The following ZNF804B variants were observed in gnomAD, a reference collection of about 807,000 sequenced individuals.
The protein encoded by ZNF804B is zinc finger protein 804B.
A neutral mutation model predicts 101.4 loss-of-function variants in ZNF804B; 80 were observed. The ratio of observed to expected loss-of-function variants is 0.79; its 90% CI spans 0.66 to 0.95. The LOEUF (loss-of-function observed/expected upper bound fraction) is 0.95. Ranked by LOEUF, ZNF804B falls within the 40% of genes least tolerant of loss-of-function variation. ZNF804B has a pLI of 0.00. For missense variants in ZNF804B, 1,673 were observed against 1,561.9 expected (o/e 1.07, Z -1.20); for synonymous variants, 622 against 558.8 (o/e 1.11, Z -1.59).
At chr7:89,167,067 A>C (rs1423966476) in intron 1 of ZNF804B, among the ~76,000 whole-genome samples, 1 of 152,092 alleles carries the variant, frequency 6.6e-6, no homozygotes, top group East Asian at 1.9e-4. Flanking sequence ...TTTTTAATGC[A>C]TTTATGACAT....
chr7:89,333,297 T>C (rs1791014576), intron 3 of ZNF804B, 66 bp from the exon 4 acceptor site: 1 of 1,354,444 alleles, frequency 7.4e-7, no homozygotes, highest in Admixed American at 2.8e-5. Context: ...CACTATGAAA[T>C]GTTCATATGT....
intron 1 of ZNF804B, among the ~76,000 whole-genome samples, chr7:88,974,252 G>A (rs1320108037): frequency 6.7e-6 from 1 of 148,230 alleles, no homozygotes; most frequent in East Asian, 2.1e-4. Context: ...ACATATATAT[G>A]AAAATATATC....
chr7:88,759,991 G>C lies in ZNF804B; in HGVS notation c.15G>C (p.Leu5=). Residue 5 remains leucine, a synonymous_variant, in exon 1 of 4, where the codon CTG becomes CTC. Transcript: ENST00000333190. MACY[L]VISSRHLSNG... The stretch of plus-strand genomic sequence containing the variant: ...CCCGGACCCACATGGCTTGTTACCT[G>C]GTCATCAGTTCGAGACATCTCAGCA... The C allele has an allele frequency of 6.2e-7, 1 of 1,614,170 alleles. No individual in the cohort carries two copies. The highest frequency in any genetic ancestry group is 8.5e-7 in the Non-Finnish European group (1 of 1,180,016).
Position 89,334,483 on chromosome 7 carries a change from T to C in ZNF804B, c.1501T>C (p.Leu501=), listed in dbSNP as rs1465393039. Residue 501 remains leucine, a synonymous_variant, in exon 4 of 4, where the codon TTG becomes CTG. Coordinates refer to ENST00000333190, the MANE Select transcript of ZNF804B (RefSeq NM_181646.5). The part of the protein sequence containing the change: ...DHNLEDLKTE[L]GKKPLELKTK... ...CAATCTAGAGGACTTAAAAACAGAATTGGGTAAGAAGCCCTTGGAATTGAA... is the reference window on the plus strand; with the variant it reads ...CAATCTAGAGGACTTAAAAACAGAACTGGGTAAGAAGCCCTTGGAATTGAA... 1.2e-6 allele frequency: 2 copies of C among 1,613,730 alleles called. No homozygotes were observed. Among genetic ancestry groups the C allele is most frequent in the East Asian group, 2.2e-5 (1 of 44,848 alleles).
intron 1 of ZNF804B, among the ~76,000 whole-genome samples, chr7:89,197,496 T>C (rs1788573583): frequency 6.6e-6 from 1 of 152,000 alleles, no homozygotes. Flanking sequence ...TCCTTTCATT[T>C]TTCTTCCTCT....
At chr7:88,787,384 G>A (rs1292021727) in intron 1 of ZNF804B, among the ~76,000 whole-genome samples, 1 of 151,806 alleles carries the variant, frequency 6.6e-6, no homozygotes, top group African/African-American at 2.4e-5. Flanking sequence ...ACCAAATAGT[G>A]AACTCTGTGA....
chr7:88,944,628 T>C (rs1361410672), intron 1 of ZNF804B, among the ~76,000 whole-genome samples: 1 of 151,774 alleles, frequency 6.6e-6, no homozygotes, highest in African/African-American at 2.4e-5. Context: ...AAAAATATTA[T>C]AACAACTATT....
intron 2 of ZNF804B, among the ~76,000 whole-genome samples, chr7:89,239,498 C>G (rs1789333845): frequency 1.3e-5 from 2 of 152,118 alleles, no homozygotes; most frequent in Admixed American, 1.3e-4. Flanking sequence ...TTTCTAAATC[C>G]AGCTATTTAG....
chr7:89,224,635 G>T (rs1432695309), intron 2 of ZNF804B, among the ~76,000 whole-genome samples: 1 of 151,584 alleles, frequency 6.6e-6, no homozygotes, highest in Non-Finnish European at 1.5e-5. Flanking sequence ...TGCCTGGAAT[G>T]AATACCTTCA....
At chr7:88,971,458 A>G (rs535258530) in intron 1 of ZNF804B, among the ~76,000 whole-genome samples, 1 of 151,750 alleles carries the variant, frequency 6.6e-6, no homozygotes, top group South Asian at 2.1e-4. Flanking sequence ...CAGTTTGTAT[A>G]TATATTCTGT....
At chr7:89,150,960 G>A (rs1790866695) in intron 1 of ZNF804B, among the ~76,000 whole-genome samples, 1 of 152,040 alleles carries the variant, frequency 6.6e-6, no homozygotes, top group South Asian at 2.1e-4. Context: ...TGTGCTTAAG[G>A]TGTAATTAGT....
In ZNF804B at chr7:88,888,033, A is replaced by G. The variant is rs114339190; in HGVS notation, c.108+127949A>G. On this transcript the variant is annotated intron_variant, in intron 1 of 3. Coordinates refer to ENST00000333190, the MANE Select transcript of ZNF804B (RefSeq NM_181646.5). ...TCTATAGTTGCAGTTATATAAATCT[A>G]TTATATTTTACTTTAATATGTTCCT... 4.9e-3 allele frequency among the ~76,000 whole-genome samples: 752 copies of G among 152,230 alleles called. 10 individuals carry two copies. The highest frequency in any genetic ancestry group is 0.017 in the African/African-American group (721 of 41,538).
At chr7:89,048,255 A>T (rs10155937) in intron 1 of ZNF804B, among the ~76,000 whole-genome samples, 47,603 of 151,728 alleles carry the variant, frequency 0.31, 7,946 homozygotes, top group East Asian at 0.51. Flanking sequence ...GTAAAAAGGA[A>T]TGAATTAATG....
rs540042455 is a variant in ZNF804B at position 88,845,213 on chromosome 7, A to G, written c.108+85129A>G. On this transcript the variant is annotated intron_variant, in intron 1 of 3. Coordinates refer to ENST00000333190, the MANE Select transcript of ZNF804B (RefSeq NM_181646.5). ...TGTTGAACTTCTGATTCTGTGTAAC[A>G]TTTGGTTTAAAAGGTAGAAAGGTAT... 3.3e-5 allele frequency among the ~76,000 whole-genome samples: 5 copies of G among 152,220 alleles called. No individual in the cohort carries two copies. In the South Asian group the frequency reaches 1.0e-3, roughly 32 times the overall value.
intron 1 of ZNF804B, among the ~76,000 whole-genome samples, chr7:88,796,667 T>C (rs1790490555): frequency 6.6e-6 from 1 of 152,150 alleles, no homozygotes; most frequent in Non-Finnish European, 1.5e-5. Flanking sequence ...CATCCAACTC[T>C]GGAAAATACT....
intron 1 of ZNF804B, among the ~76,000 whole-genome samples, chr7:88,760,889 A>G (rs936443678): frequency 2.0e-5 from 2 of 100,384 alleles, no homozygotes; most frequent in Non-Finnish European, 3.8e-5. Context: ...TAATTTATAT[A>G]TATATATAAT....
At chr7:89,044,684 G>T (rs1789074704) in intron 1 of ZNF804B, among the ~76,000 whole-genome samples, 1 of 152,178 alleles carries the variant, frequency 6.6e-6, no homozygotes. Flanking sequence ...AAAGAGACTG[G>T]TGACATTTTG....
At chr7:89,100,948 G>A (rs10952949) in intron 1 of ZNF804B, among the ~76,000 whole-genome samples, 76,186 of 151,730 alleles carry the variant, frequency 0.5, 19,630 homozygotes, top group Middle Eastern at 0.54. Context: ...GTGTGTATGT[G>A]TATATACACA....
At chr7:89,314,225 A>G (rs975562635) in intron 2 of ZNF804B, among the ~76,000 whole-genome samples, 6 of 152,334 alleles carry the variant, frequency 3.9e-5, no homozygotes, top group Non-Finnish European at 7.3e-5. Context: ...GATTAAACAC[A>G]TAAATTATTT....
Sources: gnomAD v4.1 joint callset for allele counts (sites outside exome capture counted in the v4.1 genomes callset) on GRCh38, gnomAD v4.1.1 for gene constraint, MANE v1.5 for transcripts, NCBI Gene and HGNC (gene_info 2026-07-23, HGNC 2026-07-21) for gene names.